The following SLC39A9 variants were observed in gnomAD, a reference collection of about 807,000 sequenced individuals.
SLC39A9 encodes solute carrier family 39 member 9.
SLC39A9 carries 14 observed loss-of-function variants against 28.4 expected under a neutral mutation model. That is an observed-to-expected ratio of 0.49 (90% CI 0.33 to 0.77). The LOEUF (loss-of-function observed/expected upper bound fraction) is 0.77, where lower values mean the gene tolerates loss of function less well. Among genes scored for constraint, SLC39A9 ranks in the 30% least tolerant of loss-of-function variants. The pLI, the probability that SLC39A9 is intolerant of heterozygous loss-of-function variation, is 0.02. For synonymous variants in SLC39A9, 119 were observed against 149.6 expected, an observed-to-expected ratio of 0.80 and a Z score of 1.49; for missense variants, 283 against 381.1, an observed-to-expected ratio of 0.74 and a Z score of 2.14.
At chr14:69,432,854 T>G (rs1220790536) in intron 2 of SLC39A9, among the ~76,000 whole-genome samples, 1 of 152,168 alleles carries the variant, frequency 6.6e-6, no homozygotes, top group African/African-American at 2.4e-5. Flanking sequence ...AGTATATGGC[T>G]TTATTTCTGG....
At chr14:69,408,150 T>A (rs1338619923) in intron 1 of SLC39A9, among the ~76,000 whole-genome samples, 4 of 152,098 alleles carry the variant, frequency 2.6e-5, no homozygotes, top group African/African-American at 9.7e-5. Context: ...GTAGCTGAGA[T>A]TACGGCTGCC....
rs1414164309 is a variant in SLC39A9 at position 69,442,266 on chromosome 14, G to A, written c.403G>A (p.Asp135Asn). Residue 135 changes from aspartate (D) to asparagine (N), a missense_variant and splice_region_variant, in exon 3 of 7, where the codon GAT (aspartate) becomes AAT (asparagine). Coordinates refer to ENST00000336643, the MANE Select transcript of SLC39A9 (RefSeq NM_018375.5). ...IGNSHVHSTD[D>N]PEAARSSNSK... ...TAACTCCCATGTGCATTCTACTGAC[G>A]GTGAGTGGCTCCAAGGCTTTCTGGG... 4 of 1,613,836 alleles carry A rather than the reference G, an allele frequency of 2.5e-6. No individual in the cohort carries two copies. Among genetic ancestry groups the A allele is most frequent in the African/African-American group, 1.3e-5 (1 of 74,902 alleles).
chr14:69,426,540 C>T (rs1884201748), intron 2 of SLC39A9, among the ~76,000 whole-genome samples: 1 of 152,222 alleles, frequency 6.6e-6, no homozygotes, highest in African/African-American at 2.4e-5. Flanking sequence ...GAATTCTTCA[C>T]CTTTCTATCA....
intron 1 of SLC39A9, among the ~76,000 whole-genome samples, chr14:69,415,804 C>G (rs965539436): frequency 6.6e-6 from 1 of 152,108 alleles, no homozygotes; most frequent in Non-Finnish European, 1.5e-5. Context: ...CTAAAAAAAA[C>G]TATTTTCCCA....
chr14:69,417,044 C>G (rs920918529), intron 1 of SLC39A9, among the ~76,000 whole-genome samples: 2 of 152,154 alleles, frequency 1.3e-5, no homozygotes, highest in Non-Finnish European at 2.9e-5. Context: ...GAAGTCCTTG[C>G]CCATGCCTAT....
rs1402246111 is a variant in SLC39A9 at position 69,458,769 on chromosome 14, A to G, written c.*176A>G. The G allele has an allele frequency of 4.4e-6, 6 of 1,370,830 alleles. No individual in the cohort carries two copies. The East Asian group carries it at 7.6e-5, about 17-fold the overall frequency. 84.9% of individuals were successfully genotyped at this position (1,370,830 alleles called of 1,614,324 possible). On this transcript the variant is annotated 3_prime_UTR_variant, in exon 7 of 7. Coordinates refer to ENST00000336643, the MANE Select transcript of SLC39A9 (RefSeq NM_018375.5). ...TGAGTAATGGAAAAGCTTTTAGAGT[A>G]GAAACACATTTACGTTGCAGTTAGC...
chr14:69,459,883 C>A lies in SLC39A9; in HGVS notation c.*1290C>A, dbSNP rs1195140027. ...ACTGTAATAATGAAGATAATAATAT[C>A]TTTATTCTTTATCCCCCTTCAAAGA... On this transcript the variant is annotated 3_prime_UTR_variant, in exon 7 of 7. Transcript: ENST00000336643. 2.0e-6 allele frequency: 2 copies of A among 985,092 alleles called. No homozygotes were observed. Among genetic ancestry groups the A allele is most frequent in the African/African-American group, 1.7e-5 (1 of 57,202 alleles). 61.0% of individuals were successfully genotyped at this position (985,092 alleles called of 1,614,324 possible).
chr14:69,455,919 A>G (rs1885835801), intron 6 of SLC39A9, 53 bp downstream of exon 6: 1 of 1,580,102 alleles, frequency 6.3e-7, no homozygotes, highest in Non-Finnish European at 8.6e-7. Flanking sequence ...ATCTCTTAGA[A>G]TTTATGATCT....
At chr14:69,414,644 T>G (rs572417051) in intron 1 of SLC39A9, among the ~76,000 whole-genome samples, 1 of 152,346 alleles carries the variant, frequency 6.6e-6, no homozygotes, top group East Asian at 1.9e-4. Context: ...TATAAATAGA[T>G]AATTTTATAG....
intron 2 of SLC39A9, among the ~76,000 whole-genome samples, chr14:69,430,717 A>T (rs1884448999): frequency 6.7e-6 from 1 of 148,342 alleles, no homozygotes; most frequent in African/African-American, 2.5e-5. Flanking sequence ...TGTGACCTTG[A>T]ACTCCTGTGC....
At chr14:69,436,558 T>C (rs1418450666) in intron 2 of SLC39A9, among the ~76,000 whole-genome samples, 1 of 152,258 alleles carries the variant, frequency 6.6e-6, no homozygotes, top group African/African-American at 2.4e-5. Flanking sequence ...GTTTTGTTTT[T>C]GTTTTTTGTT....
At chr14:69,413,230 C>T (rs903431656) in intron 1 of SLC39A9, among the ~76,000 whole-genome samples, 6 of 152,060 alleles carry the variant, frequency 3.9e-5, no homozygotes, top group Admixed American at 6.6e-5. Context: ...GTGGCAGGCA[C>T]GTGTAGTCCC....
At position 69,460,857 on chromosome 14, in the gene SLC39A9, G is replaced by A; in HGVS notation, c.*2264G>A. 1.0e-6 allele frequency: 1 copy of A among 985,370 alleles called. No individual in the cohort carries two copies. 61.0% of individuals were successfully genotyped at this position (985,370 alleles called of 1,614,324 possible). A position where few individuals can be genotyped will look rare whatever the true frequency, so the allele number is the denominator to read the frequency against. ...TCGAGAACTACTCATTTCTCTCCTG[G>A]TCAGCAGACAGAAATAGCCATACTA... is the stretch of plus-strand genomic sequence containing the variant. On this transcript the variant is annotated 3_prime_UTR_variant, in exon 7 of 7. Transcript: ENST00000336643.
intron 1 of SLC39A9, among the ~76,000 whole-genome samples, chr14:69,406,111 T>G (rs1178289502): frequency 2.0e-5 from 3 of 152,230 alleles, no homozygotes; most frequent in Admixed American, 6.5e-5. Flanking sequence ...CTACCTAAAT[T>G]GATGCCTTTA....
chr14:69,415,283 T>G (rs1883507208), intron 1 of SLC39A9, among the ~76,000 whole-genome samples: 1 of 152,228 alleles, frequency 6.6e-6, no homozygotes, highest in Non-Finnish European at 1.5e-5. Flanking sequence ...TATCTTGTAA[T>G]TATTTAAAGT....
chr14:69,410,377 G>C (rs1883199363), intron 1 of SLC39A9, among the ~76,000 whole-genome samples: 1 of 152,086 alleles, frequency 6.6e-6, no homozygotes, highest in Non-Finnish European at 1.5e-5. Context: ...GCATGCTACT[G>C]ATGATGTTGA....
intron 2 of SLC39A9, among the ~76,000 whole-genome samples, chr14:69,426,242 A>G (rs531898029): frequency 3.9e-5 from 6 of 152,130 alleles, no homozygotes; most frequent in African/African-American, 1.4e-4. Flanking sequence ...TCCTTCACCC[A>G]TCACCAGTCG....
chr14:69,458,579 G>C lies in SLC39A9; in HGVS notation c.910G>C (p.Gly304Arg). The C allele has an allele frequency of 6.2e-7, 1 of 1,612,080 alleles. No homozygotes were observed. Among genetic ancestry groups the C allele is most frequent in the Non-Finnish European group, 8.5e-7 (1 of 1,178,574 alleles). Reference protein sequence around the residue: ...GCLIPLILSVGHQH With the variant: ...GCLIPLILSVRHQH ...CCTCATCCCTCTCATCCTGTCAGTAGGACACCAGCATTAAATGTTCAAGGT... is the reference window on the plus strand; with the variant it reads ...CCTCATCCCTCTCATCCTGTCAGTACGACACCAGCATTAAATGTTCAAGGT... The change falls in exon 7 of 7, where the codon GGA becomes CGA. Residue 304 changes from glycine (G) to arginine (R), a missense_variant. Transcript: ENST00000336643.
Position 69,461,161 on chromosome 14 carries a change from C to T in SLC39A9, c.*2568C>T, listed in dbSNP as rs1446730426. Reference sequence around the variant, plus strand: ...GGAATTATTGGCTACCAAAGAGACGCAATTGATGATGAGAAGCATGATTCT... The same window carrying T: ...GGAATTATTGGCTACCAAAGAGACGTAATTGATGATGAGAAGCATGATTCT... On this transcript the variant is annotated 3_prime_UTR_variant, in exon 7 of 7. Coordinates refer to ENST00000336643, the MANE Select transcript of SLC39A9 (RefSeq NM_018375.5). The T allele has an allele frequency of 1.7e-5, 17 of 986,970 alleles. No individual in the cohort carries two copies. Among genetic ancestry groups the T allele is most frequent in the African/African-American group, 3.5e-5 (2 of 57,238 alleles). The allele number at this position is 986,970 out of a possible 1,614,324, so 61.1% of individuals were successfully genotyped here.
Sources: gnomAD v4.1 joint callset for allele counts (sites outside exome capture counted in the v4.1 genomes callset) on GRCh38, gnomAD v4.1.1 for gene constraint, MANE v1.5 for transcripts, NCBI Gene and HGNC (gene_info 2026-07-23, HGNC 2026-07-21) for gene names.